SMAD5: variants seen among roughly 807,000 people sequenced by gnomAD.
SMAD5 encodes the protein SMAD family member 5, also known as MAD, mothers against decapentaplegic homolog 5.
A neutral mutation model predicts 43.1 loss-of-function variants in SMAD5; 9 were observed. The observed-to-expected ratio is 0.21, with a 90% CI of 0.13 to 0.36. The LOEUF (loss-of-function observed/expected upper bound fraction) is 0.36. Among genes scored for constraint, SMAD5 ranks in the 10% least tolerant of loss-of-function variants. SMAD5 has a pLI of 1.00. For synonymous variants in SMAD5, 190 were observed against 192.4 expected (o/e 0.99, Z 0.10); for missense variants, 348 against 574.0 (o/e 0.61, Z 4.02).
intron 1 of SMAD5, among the ~76,000 whole-genome samples, chr5:136,138,619 G>C (rs1752967173): frequency 6.6e-6 from 1 of 152,050 alleles, no homozygotes; most frequent in African/African-American, 2.4e-5. Context: ...GCTGACACTT[G>C]GTGACTACTA....
At chr5:136,173,253 T>G (rs1452491583) in intron 6 of SMAD5, among the ~76,000 whole-genome samples, 1 of 152,132 alleles carries the variant, frequency 6.6e-6, no homozygotes, top group African/African-American at 2.4e-5. Flanking sequence ...AACCGGGCCC[T>G]TTTCATACTG....
At chr5:136,156,451 T>C (rs1353084533) in intron 3 of SMAD5, among the ~76,000 whole-genome samples, 1 of 152,096 alleles carries the variant, frequency 6.6e-6, no homozygotes, top group Non-Finnish European at 1.5e-5. Flanking sequence ...AAAATAACAT[T>C]GGATGTGGAG....
In SMAD5 at chr5:136,163,366, G is replaced by A. The variant is rs1753890919; in HGVS notation, c.750G>A (p.Gln250=). The A allele has an allele frequency of 1.2e-6, 2 of 1,608,558 alleles. No homozygotes were observed. The highest frequency in any genetic ancestry group is 8.5e-7 in the Non-Finnish European group (1 of 1,175,850). ...PMDTSNNMIP[Q]IMPSISSRDV... is the part of the protein sequence containing the mutation. ...ATACAAGCAATAATATGATTCCTCAGATTATGCCCAGTATATCCAGCAGGG... is the reference window on the plus strand; with the variant it reads ...ATACAAGCAATAATATGATTCCTCAAATTATGCCCAGTATATCCAGCAGGG... The change falls in exon 5 of 8, where the codon CAG becomes CAA. Residue 250 remains glutamine (Q), a synonymous_variant. Transcript: ENST00000545279.
At chr5:136,151,996 C>T (rs1753486184) in intron 2 of SMAD5, among the ~76,000 whole-genome samples, 1 of 152,022 alleles carries the variant, frequency 6.6e-6, no homozygotes, top group African/African-American at 2.4e-5. Context: ...GACAATTATG[C>T]TTTCATTCTC....
Position 136,163,490 on chromosome 5 carries a change from G to A in SMAD5, c.775+99G>A, listed in dbSNP as rs1044883024. ...AGCTTTATTGAGGTATAATTTATAT[G>A]CTATAAAATTTTTTTGTTTTAAGTG... is the stretch of plus-strand genomic sequence containing the variant. On this transcript the variant is annotated intron_variant, in intron 5 of 7. Coordinates refer to ENST00000545279, the MANE Select transcript of SMAD5 (RefSeq NM_005903.7). 1.7e-5 allele frequency: 17 copies of A among 1,000,504 alleles called. No individual in the cohort carries two copies. The African/African-American group carries it at 2.2e-4, about 13-fold the overall frequency. The allele number at this position is 1,000,504 out of a possible 1,614,324, so 62.0% of individuals were successfully genotyped here.
At chr5:136,166,622 G>A (rs981290755) in intron 5 of SMAD5, among the ~76,000 whole-genome samples, 1 of 152,118 alleles carries the variant, frequency 6.6e-6, no homozygotes, top group Admixed American at 6.5e-5. Flanking sequence ...TTACAAAATA[G>A]GGATGATATG....
rs34770843 is a variant in SMAD5 at position 136,179,808 on chromosome 5, G to GAA, written c.*2333_*2334dup. ...CATGATCTCTGGAACAAATTTGTAG[G>GAA]AAAAAATTACTCCAATTGAATGACT... On this transcript the variant is annotated 3_prime_UTR_variant, in exon 8 of 8. Transcript: ENST00000545279. 1 of 151,928 alleles carries GAA rather than the reference G, an allele frequency of 6.6e-6. No individual in the cohort carries two copies. Among genetic ancestry groups the GAA allele is most frequent in the African/African-American group, 2.4e-5 (1 of 41,322 alleles). The allele number at this position is 151,928 out of a possible 1,614,324, so 9.4% of individuals were successfully genotyped here.
In SMAD5 at chr5:136,160,923, T is replaced by C; in HGVS notation, c.471T>C (p.Phe157=). 1 of 1,613,932 alleles carries C rather than the reference T, an allele frequency of 6.2e-7. No individual in the cohort carries two copies. Among genetic ancestry groups the C allele is most frequent in the Non-Finnish European group, 8.5e-7 (1 of 1,179,860 alleles). The change falls in exon 4 of 8, where the codon TTT becomes TTC. Residue 157 remains phenylalanine (F), a synonymous_variant. Coordinates refer to ENST00000545279, the MANE Select transcript of SMAD5 (RefSeq NM_005903.7). ...CACAACACAGCCTTCTGGTTCAGTT[T>C]AGGAACCTGAGCCACAATGAACCAC... is the stretch of plus-strand genomic sequence containing the variant. ...FNPQHSLLVQ[F]RNLSHNEPHM...
chr5:136,143,291 G>GGT (rs140208945), intron 1 of SMAD5, among the ~76,000 whole-genome samples: 1 of 148,792 alleles, frequency 6.7e-6, no homozygotes, highest in East Asian at 2.0e-4. Flanking sequence ...ATTTAATCAC[G>GGT]GTGTGTGTGT....
At chr5:136,138,657 G>T (rs975805042) in intron 1 of SMAD5, among the ~76,000 whole-genome samples, 2 of 152,130 alleles carry the variant, frequency 1.3e-5, no homozygotes, top group African/African-American at 4.8e-5. Context: ...AAGGGTAAGA[G>T]ATTTTTAAAG....
At chr5:136,170,101 A>G (rs1440242004) in intron 5 of SMAD5, among the ~76,000 whole-genome samples, 1 of 152,040 alleles carries the variant, frequency 6.6e-6, no homozygotes, top group East Asian at 1.9e-4. Context: ...TTTAAATTTT[A>G]ATGAAGGCCA....
chr5:136,141,283 T>C (rs748504889), intron 1 of SMAD5, among the ~76,000 whole-genome samples: 8 of 152,210 alleles, frequency 5.3e-5, no homozygotes, highest in Non-Finnish European at 8.8e-5. Flanking sequence ...GGAATAATGC[T>C]TCTGGAGTTT....
At chr5:136,133,348 A>T (rs1011468871) in intron 1 of SMAD5, 1 of 152,384 alleles carries the variant, frequency 6.6e-6, no homozygotes, top group Non-Finnish European at 1.5e-5. Flanking sequence ...CTGGATACAC[A>T]CCCTTGATAG....
At chr5:136,152,183 G>A (rs978121812) in intron 2 of SMAD5, among the ~76,000 whole-genome samples, 21 of 152,224 alleles carry the variant, frequency 1.4e-4, no homozygotes, top group African/African-American at 5.1e-4. Context: ...GCTGCCAGTA[G>A]TTGATCGGCA....
At chr5:136,151,450 G>C (rs1753458368) in intron 2 of SMAD5, among the ~76,000 whole-genome samples, 1 of 151,940 alleles carries the variant, frequency 6.6e-6, no homozygotes, top group Non-Finnish European at 1.5e-5. Flanking sequence ...TTAGGGGAGA[G>C]AACATCAGAT....
At chr5:136,171,581 TTTTCCATTTTG>T (rs1037304269) in intron 5 of SMAD5, among the ~76,000 whole-genome samples, 15 of 152,210 alleles carry the variant, frequency 9.9e-5, no homozygotes, top group Admixed American at 5.2e-4. Context: ...TATTTTTTGT[TTTTCCATTTTG>T]GAATGGGAAC....
intron 3 of SMAD5, among the ~76,000 whole-genome samples, chr5:136,160,311 T>A (rs1561650586): frequency 6.6e-6 from 1 of 152,054 alleles, no homozygotes. Context: ...AATGTGGAAG[T>A]TTTTAGGGCA....
At chr5:136,174,653 T>A (rs372000400) in intron 7 of SMAD5, 21 bp downstream of exon 7, 1 of 1,573,942 alleles carries the variant, frequency 6.4e-7, no homozygotes, top group Non-Finnish European at 8.7e-7. Context: ...ACCTCTAACA[T>A]AATTTGAGTC....
chr5:136,140,913 G>A (rs1377834357), intron 1 of SMAD5, among the ~76,000 whole-genome samples: 1 of 151,918 alleles, frequency 6.6e-6, no homozygotes, highest in Admixed American at 6.6e-5. Flanking sequence ...AATTTGACAA[G>A]TTATTGTAAT....
Sources: allele counts gnomAD v4.1 joint callset (sites outside exome capture counted in the v4.1 genomes callset), GRCh38; gene constraint gnomAD v4.1.1; transcripts MANE v1.5; gene names NCBI Gene and HGNC (gene_info 2026-07-23, HGNC 2026-07-21).